Variants in TEX36 observed in about 807,000 individuals in gnomAD.
TEX36 encodes testis-expressed protein 36.
A neutral mutation model predicts 13.6 loss-of-function variants in TEX36; 12 were observed. That is an observed-to-expected ratio of 0.88 (90% CI 0.56 to 1.43). The LOEUF is 1.43. Among genes scored for constraint, TEX36 ranks in the 40% most tolerant of loss-of-function variants. The pLI is 0.00. For missense variants in TEX36, 224 were observed against 228.3 expected (o/e 0.98, Z 0.12); for synonymous variants, 93 against 83.0 (o/e 1.12, Z -0.65).
At chr10:125,662,691 A>G (rs747814895) in intron 1 of TEX36, among the ~76,000 whole-genome samples, 1 of 152,050 alleles carries the variant, frequency 6.6e-6, no homozygotes, top group Non-Finnish European at 1.5e-5. Context: ...AGCTGGGGAG[A>G]GGGGACCCAG....
chr10:125,664,474 C>A (rs989308885), intron 1 of TEX36, among the ~76,000 whole-genome samples: 5 of 152,144 alleles, frequency 3.3e-5, no homozygotes, highest in Admixed American at 6.5e-5. Flanking sequence ...CCATGCAAAT[C>A]ATCTTGAATT....
In TEX36 at chr10:125,661,907, C is replaced by T. The variant is rs1847050203; in HGVS notation, c.122G>A (p.Ser41Asn). Residue 41 changes from serine (S) to asparagine (N), a missense_variant, in exon 2 of 4, where the codon AGT becomes AAT. Coordinates refer to ENST00000368821, the MANE Select transcript of TEX36 (RefSeq NM_001128202.3). ...ITSATSKEPQ[S>N]PHLPRQAEGK... ...CTCCGCTTGCCGAGGCAAGTGTGGA[C>T]TCTGGGGCTCTTTTGACGTAGCACT... 2 of 1,552,148 alleles carry T rather than the reference C, an allele frequency of 1.3e-6. No individual in the cohort carries two copies. Among genetic ancestry groups the T allele is most frequent in the South Asian group, 1.2e-5 (1 of 84,064 alleles).
At chr10:125,613,657 C>T (rs951007507) in intron 3 of TEX36, among the ~76,000 whole-genome samples, 147 of 151,998 alleles carry the variant, frequency 9.7e-4, no homozygotes, top group African/African-American at 2.7e-3. Flanking sequence ...ATATGTGCCA[C>T]GTTTTCTTAA....
intron 3 of TEX36, among the ~76,000 whole-genome samples, chr10:125,615,875 T>A (rs1429137585): frequency 1.3e-5 from 2 of 152,206 alleles, no homozygotes; most frequent in African/African-American, 4.8e-5. Flanking sequence ...TTCCCCCTGG[T>A]ACCTCTGCTA....
At chr10:125,590,113 C>T (rs1846002936) in intron 3 of TEX36, among the ~76,000 whole-genome samples, 1 of 151,316 alleles carries the variant, frequency 6.6e-6, no homozygotes, top group Non-Finnish European at 1.5e-5. Context: ...CTCTCTCTCA[C>T]TTTTTTTTTG....
Position 125,661,168 on chromosome 10 carries a change from G to A in TEX36, c.184-67C>T, listed in dbSNP as rs531952562. The A allele has an allele frequency of 4.6e-5, 60 of 1,314,100 alleles. No individual in the cohort carries two copies. The Middle Eastern group carries it at 7.3e-4, about 16-fold the overall frequency. 81.4% of individuals were successfully genotyped at this position (1,314,100 alleles called of 1,614,324 possible). On this transcript the variant is annotated intron_variant, in intron 2 of 3. Transcript: ENST00000368821. ...CCTGCATGCTTTCAGAACTGGGATCGGGTGATGTGGAAGGAAGATGGATGA... is the reference window on the plus strand; with the variant it reads ...CCTGCATGCTTTCAGAACTGGGATCAGGTGATGTGGAAGGAAGATGGATGA...
At chr10:125,594,033 C>A (rs1254949973) in intron 3 of TEX36, among the ~76,000 whole-genome samples, 1 of 152,200 alleles carries the variant, frequency 6.6e-6, no homozygotes. Context: ...GGCGAGCACG[C>A]TGGCCTCTCT....
intron 3 of TEX36, among the ~76,000 whole-genome samples, chr10:125,656,868 C>T (rs1846953484): frequency 6.6e-6 from 1 of 152,056 alleles, no homozygotes; most frequent in Non-Finnish European, 1.5e-5. Flanking sequence ...ACCTTCCCTG[C>T]TCCCCAGCAC....
chr10:125,671,605 G>A (rs9422927), intron 1 of TEX36, among the ~76,000 whole-genome samples: 2,638 of 152,134 alleles, frequency 0.017, 74 homozygotes, highest in African/African-American at 0.059. Context: ...TTTTTATTGT[G>A]TCTCTGCCAG....
At chr10:125,598,194 C>T (rs948168576) in intron 3 of TEX36, among the ~76,000 whole-genome samples, 1 of 152,150 alleles carries the variant, frequency 6.6e-6, no homozygotes, top group Non-Finnish European at 1.5e-5. Flanking sequence ...TTGTTTGTCA[C>T]GTTCTCTGGC....
downstream of TEX36, among the ~76,000 whole-genome samples, chr10:125,652,833 G>A (rs1297670388): frequency 1.3e-5 from 2 of 152,182 alleles, no homozygotes; most frequent in Non-Finnish European, 2.9e-5. Context: ...CAAAGGATGT[G>A]AACAGACACT....
chr10:125,661,458 C>G (rs529114665), intron 2 of TEX36, among the ~76,000 whole-genome samples: 3 of 152,208 alleles, frequency 2.0e-5, no homozygotes, highest in Admixed American at 2.0e-4. Flanking sequence ...GTAAGGGTCC[C>G]AGGAGATGAG....
downstream of TEX36, among the ~76,000 whole-genome samples, chr10:125,651,359 C>T (rs1003449558): frequency 5.9e-5 from 9 of 152,128 alleles, no homozygotes; most frequent in African/African-American, 1.2e-4. Flanking sequence ...AATCAATAAA[C>T]GTAACCCATC....
At chr10:125,671,070 C>T (rs1363862673) in intron 1 of TEX36, among the ~76,000 whole-genome samples, 1 of 152,054 alleles carries the variant, frequency 6.6e-6, no homozygotes, top group African/African-American at 2.4e-5. Flanking sequence ...GGGATCATGC[C>T]ATCTGCAAAC....
downstream of TEX36, among the ~76,000 whole-genome samples, chr10:125,617,515 G>C (rs2133556774): frequency 6.6e-6 from 1 of 152,280 alleles, no homozygotes; most frequent in East Asian, 1.9e-4. Context: ...TTGCTTGTCT[G>C]TAAAGTATTT....
At chr10:125,670,906 T>A (rs1304924179) in intron 1 of TEX36, among the ~76,000 whole-genome samples, 1 of 152,178 alleles carries the variant, frequency 6.6e-6, no homozygotes, top group Non-Finnish European at 1.5e-5. Flanking sequence ...AGATGAGCAG[T>A]CTTATTTCTG....
chr10:125,587,038 A>G (rs1845962430), intron 3 of TEX36, among the ~76,000 whole-genome samples: 2 of 152,158 alleles, frequency 1.3e-5, no homozygotes, highest in African/African-American at 2.4e-5. Flanking sequence ...TGTGCCTGCC[A>G]TGTAGACGTG....
chr10:125,597,728 T>G (rs774137916), intron 3 of TEX36, among the ~76,000 whole-genome samples: 20 of 152,082 alleles, frequency 1.3e-4, no homozygotes, highest in African/African-American at 4.8e-4. Flanking sequence ...CAGGAAGAAA[T>G]TTAGAAGAAA....
intron 3 of TEX36, among the ~76,000 whole-genome samples, chr10:125,612,072 T>C (rs1034915682): frequency 6.7e-6 from 1 of 148,436 alleles, no homozygotes; most frequent in African/African-American, 2.5e-5. Context: ...TTTTCTTTTC[T>C]TTTTCTTTTT....
Sources: gnomAD v4.1 joint callset for allele counts (sites outside exome capture counted in the v4.1 genomes callset) on GRCh38, gnomAD v4.1.1 for gene constraint, MANE v1.5 for transcripts, NCBI Gene and HGNC (gene_info 2026-07-23, HGNC 2026-07-21) for gene names.